Variants in MED12L observed in about 807,000 individuals in gnomAD.
MED12L encodes mediator of RNA polymerase II transcription subunit 12-like protein.
Under a neutral mutation model 281.3 loss-of-function variants are expected in MED12L, and 60 were observed. The ratio of observed to expected loss-of-function variants is 0.21; its 90% CI spans 0.17 to 0.26. The LOEUF is 0.26. Among genes scored for constraint, MED12L ranks in the 10% least tolerant of loss-of-function variants. The pLI is 1.00. For missense variants in MED12L, 2,146 were observed against 2,680.9 expected (o/e 0.80, Z 4.41); for synonymous variants, 974 against 987.2 (o/e 0.99, Z 0.25).
In MED12L at chr3:151,436,363, G is replaced by GTATT. The variant is rs1204075563; in HGVS notation, c.*3560_*3563dup. On this transcript the variant is annotated 3_prime_UTR_variant, in exon 45 of 45. Transcript: ENST00000687756. ...ATAGGAGGTGGACACTAGGCAACTG[G>GTATT]TATTAGAAGTTCATTTTTTTACTGA... The GTATT allele has an allele frequency of 9.0e-6, 2 of 221,150 alleles. No individual in the cohort carries two copies. Among genetic ancestry groups the GTATT allele is most frequent in the Admixed American group, 5.2e-5 (1 of 19,224 alleles). 13.7% of individuals were successfully genotyped at this position (221,150 alleles called of 1,614,324 possible). A position where few individuals can be genotyped will look rare whatever the true frequency, so the allele number is the denominator to read the frequency against.
At chr3:151,389,849 TCTC>T (rs1713957164) in intron 37 of MED12L, 127 bp from the exon 38 acceptor site, 2 of 800,396 alleles carry the variant, frequency 2.5e-6, no homozygotes, top group Non-Finnish European at 4.0e-6. Flanking sequence ...CCTTCCATCT[TCTC>T]CTTTATAAAA....
At chr3:151,220,515 GTAA>G (rs1390631434) in intron 16 of MED12L, among the ~76,000 whole-genome samples, 2 of 152,112 alleles carry the variant, frequency 1.3e-5, no homozygotes, top group African/African-American at 4.8e-5. Flanking sequence ...TGTAGCTCCC[GTAA>G]TACCCACATG....
chr3:151,351,867 A>T (rs1436351492), intron 17 of MED12L, among the ~76,000 whole-genome samples: 1 of 152,176 alleles, frequency 6.6e-6, no homozygotes, highest in East Asian at 1.9e-4. Flanking sequence ...TTAATGCCAC[A>T]CTATAGTTTG....
intron 16 of MED12L, among the ~76,000 whole-genome samples, chr3:151,220,457 T>A (rs1729120949): frequency 6.6e-6 from 1 of 152,162 alleles, no homozygotes; most frequent in South Asian, 2.1e-4. Context: ...TGTCTGGAGT[T>A]TGGCACGTGA....
chr3:151,154,772 A>T (rs1430206793), intron 5 of MED12L, among the ~76,000 whole-genome samples: 2 of 152,228 alleles, frequency 1.3e-5, no homozygotes, highest in African/African-American at 2.4e-5. Context: ...AGTGAGTGTC[A>T]TGAGACTGTT....
At chr3:151,168,166 T>C (rs776954435) in intron 11 of MED12L, among the ~76,000 whole-genome samples, 17 of 152,166 alleles carry the variant, frequency 1.1e-4, no homozygotes, top group Non-Finnish European at 2.2e-4. Flanking sequence ...GAAATCACAC[T>C]GTGAGGTTCT....
At chr3:151,397,494 C>T (rs1416727492) in intron 39 of MED12L, among the ~76,000 whole-genome samples, 2 of 152,164 alleles carry the variant, frequency 1.3e-5, no homozygotes, top group Non-Finnish European at 2.9e-5. Flanking sequence ...AGTGCCTTTC[C>T]TCTCAATAGA....
intron 16 of MED12L, among the ~76,000 whole-genome samples, chr3:151,234,168 T>C (rs892202464): frequency 5.3e-5 from 8 of 152,206 alleles, no homozygotes; most frequent in Non-Finnish European, 8.8e-5. Context: ...AGCAAAAATA[T>C]GGAAATAACC....
intron 16 of MED12L, among the ~76,000 whole-genome samples, chr3:151,196,679 C>T (rs748517668): frequency 6.6e-6 from 1 of 152,200 alleles, no homozygotes; most frequent in South Asian, 2.1e-4. Flanking sequence ...TACACTGTGT[C>T]AGATGTGTGA....
At chr3:151,299,553 A>G (rs1188748741) in intron 16 of MED12L, among the ~76,000 whole-genome samples, 5 of 150,128 alleles carry the variant, frequency 3.3e-5, no homozygotes, top group African/African-American at 1.2e-4. Context: ...ATCTCAGCTC[A>G]CTGCAACCTC....
At chr3:151,427,417 G>A (rs568862045) in intron 43 of MED12L, among the ~76,000 whole-genome samples, 6 of 152,134 alleles carry the variant, frequency 3.9e-5, no homozygotes, top group South Asian at 2.1e-4. Context: ...ACACACACAC[G>A]CATACATGTG....
intron 2 of MED12L, among the ~76,000 whole-genome samples, chr3:151,098,034 G>A (rs192733214): frequency 3.0e-4 from 46 of 152,336 alleles, no homozygotes; most frequent in Admixed American, 1.6e-3. Context: ...GCAAAGGGTC[G>A]CAGGACAAAA....
At chr3:151,281,991 AT>A (rs1742879365) in intron 16 of MED12L, among the ~76,000 whole-genome samples, 1 of 152,150 alleles carries the variant, frequency 6.6e-6, no homozygotes, top group Non-Finnish European at 1.5e-5. Flanking sequence ...TAAATGTCCT[AT>A]TTTGCTCCTT....
At chr3:151,205,585 G>T (rs1315548591) in intron 16 of MED12L, among the ~76,000 whole-genome samples, 3 of 152,024 alleles carry the variant, frequency 2.0e-5, no homozygotes, top group African/African-American at 7.3e-5. Flanking sequence ...CAAATGTTGG[G>T]GTCGGTGGTC....
At chr3:151,242,722 A>G (rs1169425356) in intron 16 of MED12L, among the ~76,000 whole-genome samples, 1 of 152,354 alleles carries the variant, frequency 6.6e-6, no homozygotes, top group South Asian at 2.1e-4. Context: ...TCCTCCTCCA[A>G]AGGAACGCAG....
rs115204978 is a variant in MED12L at position 151,167,060 on chromosome 3, G to C, written c.1494+1078G>C. The stretch of plus-strand genomic sequence containing the variant: ...TAATCTGCTTTACTCAAAGTCTGTT[G>C]ATTTAAATCTTAATCACATCTTAAA... On this transcript the variant is annotated intron_variant, in intron 11 of 44. Coordinates refer to ENST00000687756, the MANE Select transcript of MED12L (RefSeq NM_001393769.1). 8.3e-3 allele frequency among the ~76,000 whole-genome samples: 1,269 copies of C among 152,254 alleles called. 24 individuals are homozygous for C. The highest frequency in any genetic ancestry group is 0.029 in the African/African-American group (1,211 of 41,544).
intron 43 of MED12L, among the ~76,000 whole-genome samples, chr3:151,426,301 T>C (rs978938623): frequency 1.3e-5 from 2 of 152,174 alleles, no homozygotes; most frequent in African/African-American, 4.8e-5. Flanking sequence ...CCCCCAGTGA[T>C]TTTGTGCTGC....
chr3:151,334,653 C>T (rs973936192), intron 16 of MED12L, among the ~76,000 whole-genome samples: 2 of 152,036 alleles, frequency 1.3e-5, no homozygotes, highest in Non-Finnish European at 2.9e-5. Flanking sequence ...GTGCCCACCA[C>T]CACGCCCAGC....
At chr3:151,119,349 T>C (rs1713385215) in intron 3 of MED12L, among the ~76,000 whole-genome samples, 1 of 152,238 alleles carries the variant, frequency 6.6e-6, no homozygotes, top group Admixed American at 6.5e-5. Context: ...TTTCTCACTA[T>C]CTGAAGGCTG....
Sources: allele counts gnomAD v4.1 joint callset (sites outside exome capture counted in the v4.1 genomes callset), GRCh38; gene constraint gnomAD v4.1.1; transcripts MANE v1.5; gene names NCBI Gene and HGNC (gene_info 2026-07-23, HGNC 2026-07-21).